Variants in SNTG1 observed in about 807,000 individuals in gnomAD.
SNTG1 encodes syntrophin gamma 1.
A neutral mutation model predicts 74.7 loss-of-function variants in SNTG1; 39 were observed. That is an observed-to-expected ratio of 0.52 (90% CI 0.40 to 0.68). The LOEUF is 0.68. Ranked by LOEUF, SNTG1 falls within the 30% of genes least tolerant of loss-of-function variation. The pLI, the probability that SNTG1 is intolerant of heterozygous loss-of-function variation, is 0.00. For missense variants in SNTG1, 685 were observed against 609.5 expected (o/e 1.12, Z -1.30); for synonymous variants, 254 against 217.1 (o/e 1.17, Z -1.49).
chr8:50,675,766 A>G (rs768398533), intron 15 of SNTG1, among the ~76,000 whole-genome samples: 2 of 151,866 alleles, frequency 1.3e-5, no homozygotes, highest in Non-Finnish European at 2.9e-5. Flanking sequence ...TGGTCTTTAT[A>G]TTTTGGTGTG....
rs1221413636 is a variant in SNTG1, at chr8:50,525,516, C to T, written c.467-4661C>T. Reference sequence around the variant, plus strand: ...CTTCTATAAAGTGTCTATTGGTCTGCTTGATGGTGTCATATAAATCTCTTA... The same window carrying T: ...CTTCTATAAAGTGTCTATTGGTCTGTTTGATGGTGTCATATAAATCTCTTA... On this transcript the variant is annotated intron_variant, in intron 9 of 18. Transcript: ENST00000642720. Among the ~76,000 whole-genome samples the T allele has an allele frequency of 3.3e-5, 5 of 152,050 alleles. No homozygotes were observed. In the East Asian group the frequency reaches 7.7e-4, roughly 24 times the overall value.
chr8:50,205,686 T>A (rs552358585), intron 2 of SNTG1, among the ~76,000 whole-genome samples: 1 of 152,264 alleles, frequency 6.6e-6, no homozygotes, highest in Admixed American at 6.5e-5. Flanking sequence ...TCTTCTAGGG[T>A]TTTTATGGTT....
intron 2 of SNTG1, among the ~76,000 whole-genome samples, chr8:50,176,097 A>G (rs555695499): frequency 6.6e-6 from 1 of 152,208 alleles, no homozygotes; most frequent in African/African-American, 2.4e-5. Context: ...ATTATAATAA[A>G]ACACTTAACA....
intron 1 of SNTG1, among the ~76,000 whole-genome samples, chr8:50,161,564 G>A (rs940680158): frequency 2.6e-5 from 4 of 152,100 alleles, no homozygotes; most frequent in East Asian, 1.9e-4. Flanking sequence ...AAGAGGACCT[G>A]ATAGTGTGTG....
At chr8:50,668,824 G>A (rs1369926992) in intron 15 of SNTG1, among the ~76,000 whole-genome samples, 1 of 151,836 alleles carries the variant, frequency 6.6e-6, no homozygotes, top group Non-Finnish European at 1.5e-5. Context: ...TTCTTTTTAT[G>A]GCTATGTAGT....
rs117487471 is a variant in SNTG1, at chr8:50,696,573, G to A, written c.1039-8027G>A. ...TTTCTTCTAGGATATTAATAGTTTC[G>A]AATCTTATGGTCTTTAATTCATCTT... is the stretch of plus-strand genomic sequence containing the variant. On this transcript the variant is annotated intron_variant, in intron 15 of 18. Transcript: ENST00000642720. Among the ~76,000 whole-genome samples the A allele has an allele frequency of 4.0e-4, 61 of 152,034 alleles. 1 individual carries two copies. In the East Asian group the frequency reaches 9.1e-3, roughly 23 times the overall value.
intron 11 of SNTG1, among the ~76,000 whole-genome samples, chr8:50,551,787 A>G (rs577113559): frequency 6.6e-6 from 1 of 152,210 alleles, no homozygotes; most frequent in Non-Finnish European, 1.5e-5. Context: ...GAGCATATCT[A>G]AGCACATCCC....
intron 1 of SNTG1, among the ~76,000 whole-genome samples, chr8:50,053,758 C>T (rs1376688470): frequency 6.6e-6 from 1 of 151,396 alleles, no homozygotes; most frequent in African/African-American, 2.4e-5. Context: ...TCCTCTGTCA[C>T]CTCTTGAAAT....
chr8:50,060,893 C>G (rs1820416711), intron 1 of SNTG1, among the ~76,000 whole-genome samples: 1 of 152,090 alleles, frequency 6.6e-6, no homozygotes, highest in Admixed American at 6.5e-5. Context: ...CCAGCAATCC[C>G]TGGAATAAAT....
intron 1 of SNTG1, among the ~76,000 whole-genome samples, chr8:49,924,176 C>T (rs1806811915): frequency 6.6e-6 from 1 of 151,880 alleles, no homozygotes; most frequent in Non-Finnish European, 1.5e-5. Flanking sequence ...TAAATTTCAA[C>T]AATATATAGA....
At chr8:50,279,627 T>A (rs1442151360) in intron 2 of SNTG1, among the ~76,000 whole-genome samples, 2 of 152,126 alleles carry the variant, frequency 1.3e-5, no homozygotes, top group Non-Finnish European at 2.9e-5. Context: ...GATGCTTGTA[T>A]CAAAAAATAG....
intron 1 of SNTG1, among the ~76,000 whole-genome samples, chr8:50,056,557 C>T (rs1011549971): frequency 3.3e-5 from 5 of 152,272 alleles, no homozygotes; most frequent in African/African-American, 1.2e-4. Flanking sequence ...GTGTGTCCAA[C>T]TTCTTGGGTT....
intron 1 of SNTG1, among the ~76,000 whole-genome samples, chr8:50,160,494 C>A (rs2082382352): frequency 6.6e-6 from 1 of 152,106 alleles, no homozygotes; most frequent in African/African-American, 2.4e-5. Flanking sequence ...CACTTAGAAG[C>A]ATGGACATTC....
At chr8:50,578,165 A>T (rs183652694) in intron 12 of SNTG1, among the ~76,000 whole-genome samples, 1 of 152,348 alleles carries the variant, frequency 6.6e-6, no homozygotes, top group Admixed American at 6.5e-5. Flanking sequence ...TAGTAAACAC[A>T]TGCAGCAAGA....
chr8:50,336,850 G>A (rs2091160403), intron 2 of SNTG1, among the ~76,000 whole-genome samples: 1 of 152,128 alleles, frequency 6.6e-6, no homozygotes, highest in Non-Finnish European at 1.5e-5. Flanking sequence ...TAAAATCATG[G>A]CCTAAGGAGT....
chr8:50,262,891 A>C (rs1041053050), intron 2 of SNTG1, among the ~76,000 whole-genome samples: 5 of 152,244 alleles, frequency 3.3e-5, no homozygotes, highest in African/African-American at 1.2e-4. Context: ...GAGAAGACAG[A>C]ACTGTAGAGA....
rs929425371 is a variant in SNTG1, at chr8:50,179,540, G to A, written c.-28+6905G>A. On this transcript the variant is annotated intron_variant, in intron 2 of 18. Coordinates refer to ENST00000642720, the MANE Select transcript of SNTG1 (RefSeq NM_018967.5). ...GAGAATATTTGCAAGCTATACATCT[G>A]ATAAGAAATTAATACTCAAAATACA... is the stretch of plus-strand genomic sequence containing the variant. 3.9e-5 allele frequency among the ~76,000 whole-genome samples: 6 copies of A among 152,198 alleles called. No homozygotes were observed. In the East Asian group the frequency reaches 5.8e-4, roughly 15 times the overall value.
intron 1 of SNTG1, among the ~76,000 whole-genome samples, chr8:50,144,737 G>A (rs1192404191): frequency 6.6e-6 from 1 of 152,148 alleles, no homozygotes; most frequent in Non-Finnish European, 1.5e-5. Flanking sequence ...CTGTAGATTG[G>A]GAGTTGAGCA....
chr8:50,743,497 T>A (rs7816024), intron 17 of SNTG1, among the ~76,000 whole-genome samples: 62,965 of 151,408 alleles, frequency 0.42, 15,518 homozygotes, highest in African/African-American at 0.69. Context: ...AATAGAAAGA[T>A]ATTTGAAATA....
Sources: allele counts gnomAD v4.1 joint callset (sites outside exome capture counted in the v4.1 genomes callset), GRCh38; gene constraint gnomAD v4.1.1; transcripts MANE v1.5; gene names NCBI Gene and HGNC (gene_info 2026-07-23, HGNC 2026-07-21).